The following DMD variants were observed in gnomAD, a reference collection of about 807,000 sequenced individuals.
DMD encodes the protein dystrophin.
In DMD, 63 loss-of-function variants were observed where a neutral mutation model predicts 330.1. The observed-to-expected ratio is 0.19, with a 90% CI of 0.16 to 0.24. The LOEUF (loss-of-function observed/expected upper bound fraction) is 0.24. Ranked by LOEUF, DMD falls within the 10% of genes least tolerant of loss-of-function variation. The pLI is 1.00. For missense variants in DMD, 3,344 were observed against 2,684.1 expected (o/e 1.25, Z -5.43); for synonymous variants, 1,223 against 959.8 (o/e 1.27, Z -5.07).
chrX:32,436,292 C>T (rs2098260908), intron 29 of DMD, among the ~76,000 whole-genome samples: 1 of 111,641 alleles, frequency 9.0e-6, no homozygotes, highest in Non-Finnish European at 1.9e-5. Context: ...GTAGTTAATA[C>T]TTATTTGTGT....
intron 29 of DMD, among the ~76,000 whole-genome samples, chrX:32,420,926 T>C (rs777381775): frequency 6.3e-5 from 7 of 111,568 alleles, no homozygotes; most frequent in Non-Finnish European, 1.3e-4. Flanking sequence ...TGTAGGCTCA[T>C]AATACTCTAA....
chrX:32,493,653 A>C (rs1376471057), intron 19 of DMD, among the ~76,000 whole-genome samples: 1 of 112,143 alleles, frequency 8.9e-6, no homozygotes, highest in Non-Finnish European at 1.9e-5. Context: ...GAAGAATATG[A>C]AACTTCAATC....
At chrX:32,904,135 G>A (rs991766556) in intron 2 of DMD, among the ~76,000 whole-genome samples, 1 of 111,847 alleles carries the variant, frequency 8.9e-6, no homozygotes, top group Non-Finnish European at 1.9e-5. Flanking sequence ...TAAATGTGCT[G>A]GATGAATAAG....
intron 68 of DMD, among the ~76,000 whole-genome samples, chrX:31,180,743 G>C (rs1230809394): frequency 9.0e-6 from 1 of 111,372 alleles, no homozygotes; most frequent in Admixed American, 9.5e-5. Context: ...AACTCCACTA[G>C]GAACTCTTTG....
chrX:32,929,023 C>T (rs774565104), intron 2 of DMD, among the ~76,000 whole-genome samples: 15 of 110,909 alleles, frequency 1.4e-4, no homozygotes, highest in Non-Finnish European at 2.6e-4. Context: ...GAATGGATTT[C>T]GGGATGGAGA....
intron 4 of DMD, among the ~76,000 whole-genome samples, chrX:32,838,757 A>T (rs2079884200): frequency 8.9e-6 from 1 of 112,410 alleles, no homozygotes; most frequent in South Asian, 3.6e-4. Flanking sequence ...TAGAATGGCA[A>T]TCATTAAAAA....
At chrX:32,114,672 T>C (rs1735995576) in intron 44 of DMD, among the ~76,000 whole-genome samples, 1 of 111,870 alleles carries the variant, frequency 8.9e-6, no homozygotes, top group South Asian at 3.7e-4. Flanking sequence ...AAGAGACTAC[T>C]CTGATTCCTT....
At chrX:31,664,532 T>C (rs2081308496) in intron 53 of DMD, among the ~76,000 whole-genome samples, 1 of 102,630 alleles carries the variant, frequency 9.7e-6, no homozygotes, top group Non-Finnish European at 2.0e-5. Context: ...GTTCAAGCTT[T>C]TTTTTTTTTT....
At chrX:32,337,446 TGCTCA>T (rs2097721055) in intron 41 of DMD, among the ~76,000 whole-genome samples, 1 of 109,553 alleles carries the variant, frequency 9.1e-6, no homozygotes, top group African/African-American at 3.3e-5. Flanking sequence ...TGTCATAACA[TGCTCA>T]GCTCAAGTGG....
At chrX:32,633,406 TG>T (rs1208825501) in intron 11 of DMD, among the ~76,000 whole-genome samples, 1 of 112,234 alleles carries the variant, frequency 8.9e-6, no homozygotes, top group Non-Finnish European at 1.9e-5. Context: ...TGGACTTCAC[TG>T]TGCATATCAG....
intron 50 of DMD, among the ~76,000 whole-genome samples, chrX:31,801,647 G>C (rs1157776396): frequency 9.8e-6 from 1 of 102,116 alleles, no homozygotes; most frequent in Non-Finnish European, 2.0e-5. Flanking sequence ...TAATTTGATT[G>C]TGGTAATCAT....
intron 41 of DMD, among the ~76,000 whole-genome samples, chrX:32,311,633 T>A (rs1420038319): frequency 3.6e-5 from 4 of 111,688 alleles, no homozygotes; most frequent in African/African-American, 1.3e-4. Context: ...TTCCTTCATG[T>A]TCAATGGAAT....
At chrX:33,311,949 A>G (rs67974280) in intron 1 of DMD, among the ~76,000 whole-genome samples, 5,032 of 110,317 alleles carry the variant, frequency 0.046, 267 homozygotes, top group East Asian at 0.35. Context: ...AAAGAGAAAG[A>G]CTATTTAAGA....
chrX:32,116,949 CTT>C (rs2146702109), intron 44 of DMD, among the ~76,000 whole-genome samples: 1 of 111,814 alleles, frequency 8.9e-6, no homozygotes, highest in South Asian at 3.8e-4. Context: ...TCTGAATAAA[CTT>C]TGTCTTTTCT....
At chrX:32,803,172 G>A (rs771765962) in intron 7 of DMD, among the ~76,000 whole-genome samples, 53 of 111,438 alleles carry the variant, frequency 4.8e-4, no homozygotes, top group Non-Finnish European at 8.3e-4. Context: ...TCAGGGATTT[G>A]ACTTCTTCCT....
rs151065593 is a variant in DMD, at chrX:31,646,312, T to C, written c.8027+11678A>G. 1.4e-4 allele frequency among the ~76,000 whole-genome samples: 15 copies of C among 110,261 alleles called. No homozygotes were observed. The East Asian group carries it at 2.9e-3, about 21-fold the overall frequency. ...AGAGAAGTGAAACAGAAGGAGATTA[T>C]TGTTGCTAAAAACTCTATGTTATCT... On this transcript the variant is annotated intron_variant, in intron 54 of 78. Coordinates refer to ENST00000357033, the MANE Select transcript of DMD (RefSeq NM_004006.3).
intron 2 of DMD, among the ~76,000 whole-genome samples, chrX:32,892,893 C>T (rs1476936423): frequency 1.8e-5 from 2 of 111,838 alleles, no homozygotes; most frequent in African/African-American, 3.2e-5. Flanking sequence ...AAACTTAAGT[C>T]TCCCACACAT....
intron 71 of DMD, among the ~76,000 whole-genome samples, chrX:31,176,120 T>C (rs1248543019): frequency 9.0e-6 from 1 of 111,496 alleles, no homozygotes; most frequent in Admixed American, 9.5e-5. Context: ...CTTTGTAATA[T>C]ATTTTATACA....
intron 7 of DMD, among the ~76,000 whole-genome samples, chrX:32,783,094 T>C (rs1363469838): frequency 2.0e-5 from 2 of 99,528 alleles, no homozygotes; most frequent in Non-Finnish European, 4.0e-5. Context: ...TATACATATA[T>C]GGTGTATATA....
Sources: allele counts gnomAD v4.1 joint callset (sites outside exome capture counted in the v4.1 genomes callset), GRCh38; gene constraint gnomAD v4.1.1; transcripts MANE v1.5; gene names NCBI Gene and HGNC (gene_info 2026-07-23, HGNC 2026-07-21).